The following PAPPA variants were observed in gnomAD, a reference collection of about 807,000 sequenced individuals.
The protein encoded by PAPPA is pappalysin-1.
PAPPA carries 60 observed loss-of-function variants against 164.0 expected under a neutral mutation model. The observed-to-expected ratio is 0.37, with a 90% CI of 0.30 to 0.45. The LOEUF (loss-of-function observed/expected upper bound fraction) is 0.45, where lower values mean the gene tolerates loss of function less well. Ranked by LOEUF, PAPPA falls within the 20% of genes least tolerant of loss-of-function variation. The pLI is 1.00. For missense variants in PAPPA, 1,782 were observed against 2,087.3 expected (o/e 0.85, Z 2.85); for synonymous variants, 875 against 814.1 (o/e 1.07, Z -1.27).
At chr9:116,365,074 G>A (rs1432317006) in intron 18 of PAPPA, among the ~76,000 whole-genome samples, 4 of 152,176 alleles carry the variant, frequency 2.6e-5, no homozygotes, top group Admixed American at 6.5e-5. Context: ...CTGTATCCTC[G>A]CTTTCCTCCA....
chr9:116,401,879 GAC>G lies in PAPPA; in HGVS notation c.*5267_*5268del. 6.7e-6 allele frequency: 1 copy of G among 149,610 alleles called. No individual in the cohort carries two copies. The allele number at this position is 149,610 out of a possible 1,614,324, so 9.3% of individuals were successfully genotyped here. A position where few individuals can be genotyped will look rare whatever the true frequency, so the allele number is the denominator to read the frequency against. The stretch of plus-strand genomic sequence containing the variant: ...GAAAAAAAAAAAGAAAAAGAAGAAA[GAC>G]ACAAAGAAAATAATCTAAACACCAA... On this transcript the variant is annotated 3_prime_UTR_variant, in exon 22 of 22. Coordinates refer to ENST00000328252, the MANE Select transcript of PAPPA (RefSeq NM_002581.5).
At chr9:116,246,753 G>A (rs1436164155) in intron 7 of PAPPA, among the ~76,000 whole-genome samples, 1 of 152,224 alleles carries the variant, frequency 6.6e-6, no homozygotes, top group African/African-American at 2.4e-5. Context: ...GGTGGCTCAT[G>A]CCTGTAATCC....
chr9:116,249,087 G>A (rs1214104637), intron 7 of PAPPA, among the ~76,000 whole-genome samples: 1 of 152,208 alleles, frequency 6.6e-6, no homozygotes, highest in Non-Finnish European at 1.5e-5. Flanking sequence ...AGGTCCTATA[G>A]TAGGCAGTGA....
At chr9:116,255,232 G>C (rs1355435090) in intron 7 of PAPPA, among the ~76,000 whole-genome samples, 2 of 151,878 alleles carry the variant, frequency 1.3e-5, no homozygotes, top group Admixed American at 1.3e-4. Context: ...TCAATGTCTT[G>C]GAAAGATAAA....
intron 2 of PAPPA, among the ~76,000 whole-genome samples, chr9:116,207,208 C>A (rs1161447867): frequency 6.6e-6 from 1 of 152,150 alleles, no homozygotes; most frequent in African/African-American, 2.4e-5. Context: ...GATAACGATA[C>A]TACCTACCTC....
rs140008572 is a variant in PAPPA at position 116,219,858 on chromosome 9, G to T, written c.1919-79G>T. The T allele has an allele frequency of 3.4e-4, 418 of 1,232,090 alleles. 5 individuals are homozygous for T. The African/African-American group carries it at 5.3e-3, about 16-fold the overall frequency. 76.3% of individuals were successfully genotyped at this position (1,232,090 alleles called of 1,614,324 possible). On this transcript the variant is annotated intron_variant, in intron 4 of 21. Transcript: ENST00000328252. ...CGACTTGGGTGCTGACTCTTGGGCCGCCAGGAGCCGTCATTACTCTCTCAT... is the reference window on the plus strand; with the variant it reads ...CGACTTGGGTGCTGACTCTTGGGCCTCCAGGAGCCGTCATTACTCTCTCAT...
At chr9:116,367,861 C>A in intron 19 of PAPPA, 107 bp downstream of exon 19, 1 of 768,924 alleles carries the variant, frequency 1.3e-6, no homozygotes, top group Non-Finnish European at 2.3e-6. Flanking sequence ...ACACATATTA[C>A]CTCATTTAAT....
chr9:116,254,729 C>T (rs1587973897), intron 7 of PAPPA, among the ~76,000 whole-genome samples: 1 of 148,350 alleles, frequency 6.7e-6, no homozygotes, highest in South Asian at 2.2e-4. Flanking sequence ...TTGCAGTGAG[C>T]CAAGACTGCA....
intron 5 of PAPPA, among the ~76,000 whole-genome samples, chr9:116,226,003 G>T (rs546011382): frequency 8.4e-6 from 1 of 118,928 alleles, no homozygotes; most frequent in African/African-American, 3.3e-5. Context: ...AAACTCTCCT[G>T]CATGTCAAAA....
At chr9:116,392,066 A>ATCTT (rs1462972356) in intron 21 of PAPPA, among the ~76,000 whole-genome samples, 1 of 152,192 alleles carries the variant, frequency 6.6e-6, no homozygotes, top group African/African-American at 2.4e-5. Context: ...ATCTCTTTGC[A>ATCTT]TCTTAGTTTC....
At chr9:116,157,562 T>C (rs937867255) in intron 1 of PAPPA, among the ~76,000 whole-genome samples, 1 of 152,050 alleles carries the variant, frequency 6.6e-6, no homozygotes, top group Non-Finnish European at 1.5e-5. Flanking sequence ...CCAAGCCAGT[T>C]TCCCTTTTGG....
At chr9:116,355,468 C>T (rs1055362631) in intron 17 of PAPPA, among the ~76,000 whole-genome samples, 24 of 152,188 alleles carry the variant, frequency 1.6e-4, no homozygotes, top group Non-Finnish European at 3.5e-4. Flanking sequence ...TGTTCTCATA[C>T]ACTCTCGGCG....
Position 116,213,312 on chromosome 9 carries a change from T to G in PAPPA, c.1918+1380T>G, listed in dbSNP as rs546562659. Among the ~76,000 whole-genome samples, 4 of 152,336 alleles carry G rather than the reference T, an allele frequency of 2.6e-5. No individual in the cohort carries two copies. In the South Asian group the frequency reaches 8.3e-4, roughly 32 times the overall value. On this transcript the variant is annotated intron_variant, in intron 4 of 21. Transcript: ENST00000328252. ...CTTTCTGCTTGTCCATTTGGGCTGA[T>G]GACCCCTGGGGGCCTCTCCAGTATA...
intron 9 of PAPPA, among the ~76,000 whole-genome samples, chr9:116,284,380 G>T (rs1200329315): frequency 6.6e-6 from 1 of 152,080 alleles, no homozygotes; most frequent in East Asian, 1.9e-4. Flanking sequence ...TACCTGTGAA[G>T]TGTTAGCCTC....
In PAPPA at chr9:116,401,556, A is replaced by G. The variant is rs1193827122; in HGVS notation, c.*4940A>G. ...TATATATAAATATAAATTTACATAT[A>G]TATGCACATGTATATATAGTTGTAC... is the stretch of plus-strand genomic sequence containing the variant. On this transcript the variant is annotated 3_prime_UTR_variant, in exon 22 of 22. Coordinates refer to ENST00000328252, the MANE Select transcript of PAPPA (RefSeq NM_002581.5). The G allele has an allele frequency of 6.6e-6, 1 of 150,990 alleles. No individual in the cohort carries two copies. The highest frequency in any genetic ancestry group is 6.6e-5 in the Admixed American group (1 of 15,098). The allele number at this position is 150,990 out of a possible 1,614,324, so 9.4% of individuals were successfully genotyped here. A position where few individuals can be genotyped will look rare whatever the true frequency, so the allele number is the denominator to read the frequency against.
At chr9:116,157,700 A>G (rs1843620192) in intron 1 of PAPPA, among the ~76,000 whole-genome samples, 1 of 152,080 alleles carries the variant, frequency 6.6e-6, no homozygotes, top group Non-Finnish European at 1.5e-5. Flanking sequence ...CACCGCTGAG[A>G]GAATGTGTCT....
intron 19 of PAPPA, among the ~76,000 whole-genome samples, chr9:116,376,784 GC>G (rs1846659353): frequency 6.6e-6 from 1 of 152,154 alleles, no homozygotes; most frequent in Admixed American, 6.5e-5. Flanking sequence ...ATGGGGAAGG[GC>G]ATTCAGGGAA....
chr9:116,174,294 C>T (rs1229660657), intron 1 of PAPPA, among the ~76,000 whole-genome samples: 1 of 152,072 alleles, frequency 6.6e-6, no homozygotes, highest in East Asian at 1.9e-4. Context: ...TTCTTATCTC[C>T]CTTTGCCATC....
In PAPPA at chr9:116,344,781, C is replaced by A. The variant is rs1030225557; in HGVS notation, c.3780+70C>A. The A allele has an allele frequency of 5.0e-6, 7 of 1,393,228 alleles. No homozygotes were observed. The African/African-American group carries it at 9.9e-5, about 20-fold the overall frequency. The allele number at this position is 1,393,228 out of a possible 1,614,324, so 86.3% of individuals were successfully genotyped here. A position where few individuals can be genotyped will look rare whatever the true frequency, so the allele number is the denominator to read the frequency against. On this transcript the variant is annotated intron_variant, in intron 14 of 21. Transcript: ENST00000328252. ...AGGCTTACTGGGTGTTAACCATGTTCTCTGCTAAATACCCAGCAGCACTTA... is the reference window on the plus strand; with the variant it reads ...AGGCTTACTGGGTGTTAACCATGTTATCTGCTAAATACCCAGCAGCACTTA...
Sources: gnomAD v4.1 joint callset for allele counts (sites outside exome capture counted in the v4.1 genomes callset) on GRCh38, gnomAD v4.1.1 for gene constraint, MANE v1.5 for transcripts, NCBI Gene and HGNC (gene_info 2026-07-23, HGNC 2026-07-21) for gene names.